DRC7: variants seen among roughly 807,000 people sequenced by gnomAD.
DRC7 encodes coiled-coil domain containing 135.
In DRC7, 80 loss-of-function variants were observed where a neutral mutation model predicts 104.4. That is an observed-to-expected ratio of 0.77 (90% CI 0.64 to 0.92). DRC7 has a LOEUF of 0.92. DRC7 is among the 40% of genes least tolerant of loss of function. The probability of loss-of-function intolerance (pLI) is 0.00; values close to 1 mark genes in which losing one functional copy is unlikely to be tolerated. For missense variants in DRC7, 1,034 were observed against 1,141.1 expected, an observed-to-expected ratio of 0.91 and a Z score of 1.35; for synonymous variants, 405 against 447.3, an observed-to-expected ratio of 0.91 and a Z score of 1.19.
intron 1 of DRC7, among the ~76,000 whole-genome samples, chr16:57,695,492 A>G (rs1471214218): frequency 6.6e-6 from 1 of 152,228 alleles, no homozygotes; most frequent in African/African-American, 2.4e-5. Context: ...CAGGTCTGAC[A>G]CACAGTAGGC....
intron 5 of DRC7, 79 bp from the exon 6 acceptor site, chr16:57,701,857 G>A: frequency 1.6e-6 from 2 of 1,274,580 alleles, no homozygotes; most frequent in African/African-American, 2.9e-5. Context: ...CACCCTGACA[G>A]GTGGTGGGCT....
rs1219185423 is a variant in DRC7, at chr16:57,696,572, A to G, written c.-60A>G. On this transcript the variant is annotated 5_prime_UTR_variant, in exon 2 of 19. The change creates a new upstream start codon in the 5' untranslated region. Transcript: ENST00000360716. ...CCACACAACTGGGGTTCTGCCGTAT[A>G]GAAGAGGAGACTGGATCTTTGGGTA... 6.6e-6 allele frequency: 1 copy of G among 152,304 alleles called. No homozygotes were observed. The highest frequency in any genetic ancestry group is 1.5e-5 in the Non-Finnish European group (1 of 68,086). The allele number at this position is 152,304 out of a possible 1,614,324, so 9.4% of individuals were successfully genotyped here.
chr16:57,697,983 G>A lies in DRC7; in HGVS notation c.34G>A (p.Glu12Lys), dbSNP rs2048614710. ...EVLREKVEEE[E>K]EAEREEAAEW... ...CCTGAGGGAGAAGGTGGAGGAGGAG[G>A]AGGAGGCCGAGCGGGAGGAGGCGGC... The change falls in exon 3 of 19, where the codon GAG (glutamate) becomes AAG (lysine). Residue 12 changes from glutamate (E) to lysine (K), a missense_variant. Coordinates refer to ENST00000360716, the MANE Select transcript of DRC7 (RefSeq NM_001289162.2). 2 of 1,613,278 alleles carry A rather than the reference G, an allele frequency of 1.2e-6. No homozygotes were observed. The highest frequency in any genetic ancestry group is 1.3e-5 in the African/African-American group (1 of 74,922).
rs116591936 is a variant in DRC7 at position 57,699,009 on chromosome 16, C to T, written c.363C>T (p.Asn121=). 107 of 1,614,044 alleles carry T rather than the reference C, an allele frequency of 6.6e-5. 1 individual carries two copies. The highest frequency in any genetic ancestry group is 1.8e-4 in the South Asian group (16 of 91,078). Residue 121 remains asparagine (N), a synonymous_variant, in exon 4 of 19, where the codon AAC becomes AAT. Transcript: ENST00000360716. ...TGCCCCTCTTCCTGCACCCCCTGAA[C>T]GAGTGTGAAGTGCCCGTAAGGCTGG... ...DRVPLFLHPL[N]ECEVPKFVST...
At chr16:57,702,872 C>T (rs189601229) in intron 6 of DRC7, among the ~76,000 whole-genome samples, 14 of 152,056 alleles carry the variant, frequency 9.2e-5, no homozygotes, top group East Asian at 1.9e-4. Flanking sequence ...CCCACACTCC[C>T]GAGGTAAAAA....
In DRC7 at chr16:57,731,087, G is replaced by A; in HGVS notation, c.2531+17G>A. The A allele has an allele frequency of 1.2e-6, 2 of 1,613,738 alleles. No homozygotes were observed. The highest frequency in any genetic ancestry group is 8.5e-7 in the Non-Finnish European group (1 of 1,179,962). Reference sequence around the variant, plus strand: ...CCTCAATCGGTGAGCAGGCAGGGCAGGTGGAGAGAACCCACTGGGAGGCTG... The same window carrying A: ...CCTCAATCGGTGAGCAGGCAGGGCAAGTGGAGAGAACCCACTGGGAGGCTG... On this transcript the variant is annotated intron_variant, in intron 18 of 18. Coordinates refer to ENST00000360716, the MANE Select transcript of DRC7 (RefSeq NM_001289162.2).
intron 8 of DRC7, chr16:57,713,880 C>T (rs2048814462): frequency 6.4e-6 from 1 of 157,462 alleles, no homozygotes; most frequent in Non-Finnish European, 1.4e-5. Flanking sequence ...AACAACAGGT[C>T]AGAATACTTT....
At position 57,723,000 on chromosome 16, in the gene DRC7, A is replaced by AGGTACCAATATTTTGGAGATAAAGGAGT. The variant is rs1206958347; in HGVS notation, c.1415_1442dup. The AGGTACCAATATTTTGGAGATAAAGGAGT allele has an allele frequency of 1.2e-6, 2 of 1,613,846 alleles. No homozygotes were observed. The highest frequency in any genetic ancestry group is 1.7e-6 in the Non-Finnish European group (2 of 1,179,988). ...TGCGGCAAGTGTCCATCGGCCCCAC[A>AGGTACCAATATTTTGGAGATAAAGGAGT]GGTACCAATATTTTGGAGATAAAGG... is the stretch of plus-strand genomic sequence containing the variant. On this transcript the variant is annotated splice_acceptor_variant, in intron 11 of 18. Transcript: ENST00000360716. LOFTEE classifies it high-confidence loss of function.
Position 57,705,035 on chromosome 16 carries a change from G to T in DRC7, c.858+1G>T, listed in dbSNP as rs774157871. ...GAGGGAGGAGGAGGAGCGCCTCATG[G>T]TGGGTCCTCAGCCCTGAATCCCCTG... On this transcript the variant is annotated splice_donor_variant, in intron 7 of 18. Coordinates refer to ENST00000360716, the MANE Select transcript of DRC7 (RefSeq NM_001289162.2). LOFTEE classifies it high-confidence loss of function. The T allele has an allele frequency of 6.8e-6, 11 of 1,611,546 alleles. No individual in the cohort carries two copies. Among genetic ancestry groups the T allele is most frequent in the Non-Finnish European group, 9.3e-6 (11 of 1,179,666 alleles).
chr16:57,704,778 G>C, intron 6 of DRC7, 98 bp from the exon 7 acceptor site: 2 of 1,411,938 alleles, frequency 1.4e-6, no homozygotes, highest in Non-Finnish European at 1.9e-6. Context: ...GCCATCCCCC[G>C]GTCTGAGGGA....
At chr16:57,700,375 G>T (rs139162306) in intron 5 of DRC7, 105 bp downstream of exon 5, 4 of 1,420,614 alleles carry the variant, frequency 2.8e-6, no homozygotes, top group African/African-American at 1.4e-5. Context: ...GAGGCCGGGC[G>T]TGGTAGCTCA....
chr16:57,721,317 T>C lies in DRC7; in HGVS notation c.1207-350T>C, dbSNP rs547065329. On this transcript the variant is annotated intron_variant, in intron 9 of 18. Coordinates refer to ENST00000360716, the MANE Select transcript of DRC7 (RefSeq NM_001289162.2). ...AGGTCCAGTTTACAGTTAAGAAAAC[T>C]AAGGCTTAGAGCAGTTAAAGGACTT... 7.2e-5 allele frequency among the ~76,000 whole-genome samples: 11 copies of C among 152,294 alleles called. No homozygotes were observed. In the South Asian group the frequency reaches 2.3e-3, roughly 32 times the overall value.
intron 8 of DRC7, 115 bp from the exon 9 acceptor site, chr16:57,718,232 C>T (rs2048864937): frequency 4.4e-6 from 6 of 1,361,918 alleles, no homozygotes. Context: ...TTCCCCAAGC[C>T]CTGGGCCCAG....
At chr16:57,722,350 G>A (rs2048912746) in intron 10 of DRC7, among the ~76,000 whole-genome samples, 1 of 152,160 alleles carries the variant, frequency 6.6e-6, no homozygotes, top group Admixed American at 6.5e-5. Flanking sequence ...TCACCTGGGT[G>A]AAGTTTGGAA....
chr16:57,729,181 GATGGATGA>G (rs2049014722), intron 17 of DRC7, among the ~76,000 whole-genome samples: 2 of 126,260 alleles, frequency 1.6e-5, no homozygotes, highest in South Asian at 5.6e-4. Context: ...TGGGTGGGTA[GATGGATGA>G]ATGGATGGAT....
chr16:57,727,536 G>T, intron 16 of DRC7, 127 bp downstream of exon 16: 1 of 671,178 alleles, frequency 1.5e-6, no homozygotes. Flanking sequence ...ATACCATGCG[G>T]TCATCCTTGC....
At chr16:57,700,011 C>G (rs1427628010) in intron 4 of DRC7, 134 bp from the exon 5 acceptor site, 2 of 1,032,196 alleles carry the variant, frequency 1.9e-6, no homozygotes, top group African/African-American at 3.2e-5. Flanking sequence ...TCTGCCACCC[C>G]AGGTCATGTG....
At position 57,726,242 on chromosome 16, in the gene DRC7, A is replaced by T; in HGVS notation, c.1933A>T (p.Asn645Tyr). Residue 645 changes from asparagine to tyrosine, a missense_variant, in exon 14 of 19, where the codon AAC becomes TAC. Physicochemically the swap from Asn to Tyr is moderately radical, Grantham distance 143. Transcript: ENST00000360716. ...LRRTEVDSKG[N>Y]KIIMTPDMCI... is the part of the protein sequence containing the mutation. The stretch of plus-strand genomic sequence containing the variant: ...GCGCACCGAGGTGGACAGCAAAGGC[A>T]ACAAGATCATCATGACGCCCGACAT... 6.2e-7 allele frequency: 1 copy of T among 1,612,898 alleles called. No individual in the cohort carries two copies. The highest frequency in any genetic ancestry group is 1.1e-5 in the South Asian group (1 of 91,086).
chr16:57,705,584 C>CA, intron 7 of DRC7, among the ~76,000 whole-genome samples: 1 of 148,182 alleles, frequency 6.7e-6, no homozygotes, highest in Non-Finnish European at 1.5e-5. Context: ...TCCATCCATC[C>CA]TCCCAACCAT....
Sources: gnomAD v4.1 joint callset for allele counts (sites outside exome capture counted in the v4.1 genomes callset) on GRCh38, gnomAD v4.1.1 for gene constraint, MANE v1.5 for transcripts, NCBI Gene and HGNC (gene_info 2026-07-23, HGNC 2026-07-21) for gene names.